Variants in IL1RAPL2 observed in about 807,000 individuals in gnomAD.
The protein encoded by IL1RAPL2 is interleukin 1 receptor accessory protein like 2.
In IL1RAPL2, 3 loss-of-function variants were observed where a neutral mutation model predicts 44.1. The ratio of observed to expected loss-of-function variants is 0.07; its 90% confidence interval spans 0.03 to 0.18. IL1RAPL2 has a LOEUF of 0.18. Ranked by LOEUF, IL1RAPL2 falls within the 10% of genes least tolerant of loss-of-function variation. The pLI, the probability that IL1RAPL2 is intolerant of heterozygous loss-of-function variation, is 1.00. For missense variants in IL1RAPL2, 391 were observed against 496.4 expected, an observed-to-expected ratio of 0.79 and a Z score of 2.02; for synonymous variants, 181 against 178.8, an observed-to-expected ratio of 1.01 and a Z score of -0.10.
At chrX:105,050,558 T>A (rs767238710) in intron 2 of IL1RAPL2, among the ~76,000 whole-genome samples, 39 of 112,033 alleles carry the variant, frequency 3.5e-4, no homozygotes, top group Non-Finnish European at 7.3e-4. Context: ...AACTCTTGTT[T>A]ACTGGACATA....
At chrX:105,391,510 G>C (rs1244962290) in intron 5 of IL1RAPL2, among the ~76,000 whole-genome samples, 1 of 94,023 alleles carries the variant, frequency 1.1e-5, no homozygotes, top group Non-Finnish European at 2.1e-5. Context: ...TGCTGGAGAG[G>C]ATGTGGAGAA....
intron 2 of IL1RAPL2, among the ~76,000 whole-genome samples, chrX:105,090,174 C>T (rs1198173396): frequency 9.0e-6 from 1 of 111,003 alleles, no homozygotes; most frequent in African/African-American, 3.3e-5. Flanking sequence ...CCAGTAATGC[C>T]ATGAAACTGG....
chrX:105,396,104 G>GT (rs2035560688), intron 5 of IL1RAPL2, among the ~76,000 whole-genome samples: 2 of 111,227 alleles, frequency 1.8e-5, no homozygotes, highest in Non-Finnish European at 3.8e-5. Context: ...AAAATTAAAG[G>GT]TAACAGAACT....
At chrX:105,167,233 C>G (rs1237679828) in intron 2 of IL1RAPL2, among the ~76,000 whole-genome samples, 1 of 112,008 alleles carries the variant, frequency 8.9e-6, no homozygotes, top group Non-Finnish European at 1.9e-5. Context: ...TGGCCCAACA[C>G]TCTGTGATGA....
At chrX:105,339,326 G>A (rs917556488) in intron 5 of IL1RAPL2, among the ~76,000 whole-genome samples, 1 of 25,365 alleles carries the variant, frequency 3.9e-5, no homozygotes, top group Non-Finnish European at 9.2e-4. Context: ...ATAGGGAATC[G>A]TGTATGAATA....
intron 5 of IL1RAPL2, among the ~76,000 whole-genome samples, chrX:105,268,659 C>T (rs891947255): frequency 9.1e-6 from 1 of 110,154 alleles, no homozygotes; most frequent in Non-Finnish European, 1.9e-5. Flanking sequence ...ATCCCAGCTA[C>T]TAGGGAGGCT....
At chrX:105,619,420 C>A (rs2147830491) in intron 6 of IL1RAPL2, among the ~76,000 whole-genome samples, 1 of 111,632 alleles carries the variant, frequency 9.0e-6, no homozygotes, top group South Asian at 3.7e-4. Flanking sequence ...ATGTAAATTT[C>A]TCTTACAAAA....
intron 5 of IL1RAPL2, among the ~76,000 whole-genome samples, chrX:105,295,427 G>T: frequency 9.0e-6 from 1 of 111,638 alleles, no homozygotes; most frequent in East Asian, 2.8e-4. Context: ...GCTTTGGGTC[G>T]AATTGATTAG....
intron 3 of IL1RAPL2, among the ~76,000 whole-genome samples, chrX:105,226,725 C>T (rs943577087): frequency 9.1e-6 from 1 of 109,908 alleles, no homozygotes; most frequent in African/African-American, 3.3e-5. Context: ...TTAACACTTG[C>T]ATAATAAAAC....
intron 2 of IL1RAPL2, among the ~76,000 whole-genome samples, chrX:104,954,284 TG>T (rs1925656448): frequency 8.9e-6 from 1 of 112,237 alleles, no homozygotes; most frequent in Non-Finnish European, 1.9e-5. Context: ...ATAAGCAACA[TG>T]GGGAAGTAAT....
chrX:105,439,088 A>G, intron 5 of IL1RAPL2, among the ~76,000 whole-genome samples: 1 of 111,519 alleles, frequency 9.0e-6, no homozygotes, highest in Middle Eastern at 4.6e-3. Flanking sequence ...ACCTTCTGCC[A>G]TGATTGTAAG....
chrX:105,767,424 T>G lies in IL1RAPL2; in HGVS notation c.1824T>G (p.Pro608=), dbSNP rs1184852210. ...AGGCTGATCTCCCTGAATTCCACCC[T>G]TCAGATTCAATGCAAATCAGGCACT... ...SSQADLPEFH[P]SDSMQIRHCC... Residue 608 remains proline, a synonymous_variant, in exon 11 of 11, where the codon CCT becomes CCG. Coordinates refer to ENST00000372582, the MANE Select transcript of IL1RAPL2 (RefSeq NM_017416.2). 13 of 1,211,340 alleles carry G rather than the reference T, an allele frequency of 1.1e-5. No individual in the cohort carries two copies. The highest frequency in any genetic ancestry group is 1.3e-5 in the Non-Finnish European group (12 of 895,162).
intron 6 of IL1RAPL2, among the ~76,000 whole-genome samples, chrX:105,701,657 T>A: frequency 9.0e-6 from 1 of 111,522 alleles, no homozygotes. Flanking sequence ...TGTTACTTTT[T>A]AGCTCTCTCA....
At chrX:105,686,368 G>A (rs1437077202) in intron 6 of IL1RAPL2, among the ~76,000 whole-genome samples, 67 of 47,357 alleles carry the variant, frequency 1.4e-3, no homozygotes, top group Non-Finnish European at 1.6e-3. Flanking sequence ...GATCTACCAA[G>A]CAAATGGAAA....
chrX:104,999,224 G>T (rs1347661747), intron 2 of IL1RAPL2, among the ~76,000 whole-genome samples: 1 of 111,829 alleles, frequency 8.9e-6, no homozygotes, highest in Non-Finnish European at 1.9e-5. Context: ...TTGGAACAGG[G>T]ACACACCATC....
chrX:104,978,526 A>G (rs764734013), intron 2 of IL1RAPL2, among the ~76,000 whole-genome samples: 4 of 112,424 alleles, frequency 3.6e-5, no homozygotes, highest in Non-Finnish European at 7.5e-5. Flanking sequence ...TGTTGGAAAC[A>G]AGGCAATATC....
At chrX:104,997,368 C>T (rs1341763876) in intron 2 of IL1RAPL2, among the ~76,000 whole-genome samples, 1 of 111,839 alleles carries the variant, frequency 8.9e-6, no homozygotes, top group East Asian at 2.8e-4. Flanking sequence ...CTTCTCTATA[C>T]TTTAAAAGTG....
chrX:105,497,329 T>G (rs376217798), intron 6 of IL1RAPL2, among the ~76,000 whole-genome samples: 3 of 110,882 alleles, frequency 2.7e-5, no homozygotes, highest in East Asian at 5.7e-4. Context: ...AACCTATCAT[T>G]GAACCAGAAA....
chrX:105,448,332 A>AT (rs2035991060), intron 5 of IL1RAPL2, among the ~76,000 whole-genome samples: 4 of 105,993 alleles, frequency 3.8e-5, no homozygotes. Context: ...CTTTCTCTCC[A>AT]TATCTCTTTG....
Sources: allele counts gnomAD v4.1 joint callset (sites outside exome capture counted in the v4.1 genomes callset), GRCh38; gene constraint gnomAD v4.1.1; transcripts MANE v1.5; gene names NCBI Gene and HGNC (gene_info 2026-07-23, HGNC 2026-07-21).